NSD2: variants seen among roughly 807,000 people sequenced by gnomAD.
The protein encoded by NSD2 is histone-lysine N-methyltransferase NSD2.
NSD2 carries 12 observed loss-of-function variants against 139.0 expected under a neutral mutation model. That is an observed-to-expected ratio of 0.09 (90% CI 0.06 to 0.14). The LOEUF is 0.14. Ranked by LOEUF, NSD2 falls within the 10% of genes least tolerant of loss-of-function variation. The pLI is 1.00. For missense variants in NSD2, 1,155 were observed against 1,745.0 expected (o/e 0.66, Z 6.02); for synonymous variants, 669 against 648.7 (o/e 1.03, Z -0.48).
chr4:1,946,732 C>A (rs1476654129), intron 9 of NSD2: 1 of 1,044,268 alleles, frequency 9.6e-7, no homozygotes, highest in African/African-American at 1.7e-5. Context: ...CTGTAATTAG[C>A]AGGTAGAAAA....
chr4:1,962,152 CA>C (rs550788582), intron 18 of NSD2, among the ~76,000 whole-genome samples: 170 of 152,342 alleles, frequency 1.1e-3, no homozygotes, highest in Non-Finnish European at 1.9e-3. Flanking sequence ...CCTACCCCTG[CA>C]GTAGTGGGGC....
In NSD2 at chr4:1,928,071, C is replaced by CT. The variant is rs568094064; in HGVS notation, c.1411-2540dup. ...TACCCAACTAATTTAAAAATAATTT[C>CT]TTTTTTTTTTTTTTTCAAACACGAT... On this transcript the variant is annotated intron_variant, in intron 5 of 21. Coordinates refer to ENST00000508803, the MANE Select transcript of NSD2 (RefSeq NM_001042424.3). Among the ~76,000 whole-genome samples the CT allele has an allele frequency of 7.1e-3, 982 of 138,846 alleles. 10 individuals are homozygous for CT. Among genetic ancestry groups the CT allele is most frequent in the East Asian group, 0.047 (227 of 4,800 alleles). 91.1% of individuals were successfully genotyped at this position (138,846 alleles called of 152,430 possible).
chr4:1,965,710 G>C (rs906556937), intron 18 of NSD2, among the ~76,000 whole-genome samples: 1 of 152,192 alleles, frequency 6.6e-6, no homozygotes, highest in African/African-American at 2.4e-5. Context: ...CCACATAACA[G>C]GGGAGGCCTC....
rs542344308 is a variant in NSD2, at chr4:1,974,840, G to C, written c.3373-23G>C. On this transcript the variant is annotated intron_variant, in intron 18 of 21. Transcript: ENST00000508803. The surrounding 1 kb of genome is among the most constrained non-coding windows in gnomAD (Gnocchi z 4.0). The stretch of plus-strand genomic sequence containing the variant: ...AACATGCGATTGCTAACACTTGACC[G>C]AATATATCACTTGACCTTACAGGAC... The C allele has an allele frequency of 3.1e-6, 5 of 1,613,468 alleles. 1 individual carries two copies. In the Admixed American group the frequency reaches 8.3e-5, roughly 27 times the overall value.
intron 18 of NSD2, among the ~76,000 whole-genome samples, chr4:1,963,403 C>G (rs1382202014): frequency 1.3e-5 from 2 of 152,152 alleles, no homozygotes; most frequent in Admixed American, 6.5e-5. Flanking sequence ...AATAAACTTG[C>G]CCCAAGAGGC....
At chr4:1,890,795 A>G (rs1560565618) in intron 1 of NSD2, among the ~76,000 whole-genome samples, 1 of 150,848 alleles carries the variant, frequency 6.6e-6, no homozygotes, top group Non-Finnish European at 1.5e-5. Flanking sequence ...ACGGGGTTTC[A>G]CCATGTTGGC....
At chr4:1,945,709 G>A in intron 9 of NSD2, 1 of 1,063,478 alleles carries the variant, frequency 9.4e-7, no homozygotes, top group Non-Finnish European at 1.1e-6. Flanking sequence ...ATCCAGTTGA[G>A]TTGAAAGGGT....
At chr4:1,911,603 A>AG (rs1406602190) in intron 3 of NSD2, among the ~76,000 whole-genome samples, 2 of 148,150 alleles carry the variant, frequency 1.3e-5, no homozygotes, top group Non-Finnish European at 3.0e-5. Flanking sequence ...AAAAAAAAAA[A>AG]AAAAGAAAAA....
At position 1,955,693 on chromosome 4, in the gene NSD2, G is replaced by C. The variant is rs1577537810; in HGVS notation, c.2519G>C (p.Gly840Ala). The C allele has an allele frequency of 3.1e-6, 5 of 1,611,648 alleles. No individual in the cohort carries two copies. Among genetic ancestry groups the C allele is most frequent in the Admixed American group, 3.3e-5 (2 of 59,818 alleles). Residue 840 changes from glycine (G) to alanine (A), a missense_variant and splice_region_variant, in exon 14 of 22, where the codon GGG (glycine) becomes GCG (alanine). Coordinates refer to ENST00000508803, the MANE Select transcript of NSD2 (RefSeq NM_001042424.3). This position sits in a 1 kb window ranked among gnomAD's most constrained non-coding sequence, Gnocchi z 4.7. ...TGGCCGCCTCGCCCTCCTCTTGCAG[G>C]GGGGAGCCTTCTGTGCTGTGAGTCC... ...NVSWCFVCSK[G>A]GSLLCCESCP...
At chr4:1,938,575 CAGG>C in intron 8 of NSD2, 43 bp downstream of exon 8, 1 of 1,450,178 alleles carries the variant, frequency 6.9e-7, no homozygotes, top group Non-Finnish European at 9.6e-7. Flanking sequence ...TCTGGGTGCC[CAGG>C]CTGGGCTGGG....
intron 1 of NSD2, among the ~76,000 whole-genome samples, chr4:1,874,529 C>T (rs532317499): frequency 8.5e-5 from 13 of 152,098 alleles, no homozygotes; most frequent in Non-Finnish European, 1.9e-4. Context: ...GGGTATATGG[C>T]TTAGGGTAAA....
At chr4:1,913,337 C>G (rs991766404) in intron 3 of NSD2, among the ~76,000 whole-genome samples, 5 of 152,184 alleles carry the variant, frequency 3.3e-5, no homozygotes, top group African/African-American at 1.2e-4. Flanking sequence ...GGGAGTCTCC[C>G]TTTCCGTGGG....
chr4:1,906,571 C>T (rs1169832998), intron 3 of NSD2, among the ~76,000 whole-genome samples: 1 of 151,596 alleles, frequency 6.6e-6, no homozygotes, highest in Non-Finnish European at 1.5e-5. Flanking sequence ...CTTTTCCCTG[C>T]CTTGGAGTTA....
chr4:1,978,564 C>G, intron 21 of NSD2, 74 bp from the exon 22 acceptor site: 1 of 1,536,944 alleles, frequency 6.5e-7, no homozygotes, highest in Non-Finnish European at 8.8e-7. Context: ...AGTTGTAAGT[C>G]ATCTTCAACC....
At chr4:1,878,226 G>GATATAC (rs1714406226) in intron 1 of NSD2, among the ~76,000 whole-genome samples, 1 of 26,050 alleles carries the variant, frequency 3.8e-5, no homozygotes, top group African/African-American at 1.6e-4. Flanking sequence ...ATGCCCGGCT[G>GATATAC]ATATATATAT....
At chr4:1,927,432 G>T (rs1465973515) in intron 5 of NSD2, among the ~76,000 whole-genome samples, 1 of 151,922 alleles carries the variant, frequency 6.6e-6, no homozygotes, top group South Asian at 2.1e-4. Context: ...AAGATGTTGG[G>T]GGGAGCACAG....
At position 1,890,569 on chromosome 4, in the gene NSD2, G is replaced by A. The variant is rs183515765; in HGVS notation, c.-29-10057G>A. The stretch of plus-strand genomic sequence containing the variant: ...GCCCACCTCGGCCTCCCAAAGTGCT[G>A]GGATTACAGGCGTGAGTCACCGCAC... On this transcript the variant is annotated intron_variant, in intron 1 of 21. Transcript: ENST00000508803. 3.3e-3 allele frequency among the ~76,000 whole-genome samples: 501 copies of A among 151,700 alleles called. 1 individual carries two copies. The highest frequency in any genetic ancestry group is 4.9e-3 in the Non-Finnish European group (331 of 67,962).
At chr4:1,952,718 G>C in intron 11 of NSD2, 1 of 1,075,920 alleles carries the variant, frequency 9.3e-7, no homozygotes, top group South Asian at 3.5e-5. Context: ...TGGGTTGTCA[G>C]TGCTGTTGTT....
At chr4:1,962,396 G>T (rs944760108) in intron 18 of NSD2, among the ~76,000 whole-genome samples, 2 of 152,228 alleles carry the variant, frequency 1.3e-5, no homozygotes, top group Non-Finnish European at 2.9e-5. Flanking sequence ...TTTTAATTTG[G>T]ACAGGAGGCT....
Sources: gnomAD v4.1 joint callset for allele counts (sites outside exome capture counted in the v4.1 genomes callset) on GRCh38, gnomAD v4.1.1 for gene constraint, Gnocchi (gnomAD v3.1) non-coding constraint, MANE v1.5 for transcripts, NCBI Gene and HGNC (gene_info 2026-07-23, HGNC 2026-07-21) for gene names.